Variants in RNF31 observed in about 807,000 individuals in gnomAD.
RNF31 encodes ring finger protein 31.
Under a neutral mutation model 133.6 loss-of-function variants are expected in RNF31, and 38 were observed. That is an observed-to-expected ratio of 0.28 (90% CI 0.22 to 0.37). The LOEUF is 0.37. Among genes scored for constraint, RNF31 ranks in the 10% least tolerant of loss-of-function variants. RNF31 has a pLI of 1.00. For missense variants in RNF31, 1,118 were observed against 1,394.1 expected (o/e 0.80, Z 3.15); for synonymous variants, 582 against 552.3 (o/e 1.05, Z -0.75).
At chr14:24,157,232 A>G in intron 14 of RNF31, 58 bp from the exon 15 acceptor site, 2 of 1,360,850 alleles carry the variant, frequency 1.5e-6, no homozygotes, top group African/African-American at 2.9e-5. Flanking sequence ...AGGGGCCAGC[A>G]AGAAAGGCCA....
chr14:24,158,391 T>C (rs187727246), intron 18 of RNF31, among the ~76,000 whole-genome samples, 192 bp downstream of exon 18: 2 of 152,384 alleles, frequency 1.3e-5, no homozygotes, highest in African/African-American at 4.8e-5. Flanking sequence ...CCATTTTACA[T>C]AAGACATCTT....
chr14:24,152,173 A>G (rs1053436572), intron 11 of RNF31, among the ~76,000 whole-genome samples, 181 bp downstream of exon 11: 1 of 152,156 alleles, frequency 6.6e-6, no homozygotes, highest in Non-Finnish European at 1.5e-5. Flanking sequence ...ACAATGTTCT[A>G]TTATGGAAAT....
chr14:24,147,389 A>C, upstream of RNF31: 1 of 277,682 alleles, frequency 3.6e-6, no homozygotes, highest in Non-Finnish European at 6.7e-6. Context: ...ATTGGTTGGG[A>C]CCTGGCCCTC....
intron 2 of RNF31, 64 bp from the exon 3 acceptor site, chr14:24,148,194 G>A: frequency 1.2e-6 from 2 of 1,613,134 alleles, no homozygotes; most frequent in Non-Finnish European, 1.7e-6. Flanking sequence ...TGCTGAATGG[G>A]AAGGGGTCCA....
intron 3 of RNF31, 91 bp downstream of exon 3, chr14:24,148,504 G>A: frequency 6.2e-7 from 1 of 1,604,190 alleles, no homozygotes; most frequent in South Asian, 1.1e-5. Flanking sequence ...CCGTGCTGCT[G>A]AACTATGGGC....
intron 14 of RNF31, 144 bp from the exon 15 acceptor site, chr14:24,157,146 C>T (rs938273096): frequency 6.6e-6 from 4 of 603,214 alleles, no homozygotes; most frequent in Non-Finnish European, 1.2e-5. Flanking sequence ...CAAGGATGGC[C>T]TCTCATTTTG....
rs199632413 is a variant in RNF31 at position 24,151,757 on chromosome 14, T to C, written c.1924-29T>C. On this transcript the variant is annotated intron_variant, in intron 10 of 20. Coordinates refer to ENST00000324103, the MANE Select transcript of RNF31 (RefSeq NM_017999.5). The surrounding 1 kb of genome is among the most constrained non-coding windows in gnomAD (Gnocchi z 5.3). ...AAGGGTCCCTGGAGTCTGACAGCAC[T>C]TCCCCCCTCCACCTGAATCATATTG... 1.2e-6 allele frequency: 2 copies of C among 1,600,784 alleles called. No homozygotes were observed. Among genetic ancestry groups the C allele is most frequent in the Non-Finnish European group, 8.5e-7 (1 of 1,172,482 alleles).
Position 24,155,080 on chromosome 14 carries a change from A to G in RNF31, c.2131-77A>G. On this transcript the variant is annotated intron_variant, in intron 11 of 20. Coordinates refer to ENST00000324103, the MANE Select transcript of RNF31 (RefSeq NM_017999.5). This position sits in a 1 kb window ranked among gnomAD's most constrained non-coding sequence, Gnocchi z 4.9. Reference sequence around the variant, plus strand: ...TAATTAGACCCTGATTTCTTAGTGGACACCTGGCCACTGCCTCTTCCCTAG... The same window carrying G: ...TAATTAGACCCTGATTTCTTAGTGGGCACCTGGCCACTGCCTCTTCCCTAG... 1.4e-6 allele frequency: 2 copies of G among 1,413,064 alleles called. No homozygotes were observed. 87.5% of individuals were successfully genotyped at this position (1,413,064 alleles called of 1,614,324 possible).
intron 11 of RNF31, chr14:24,154,913 A>C (rs187200781): frequency 1.5e-5 from 8 of 549,974 alleles, no homozygotes; most frequent in East Asian, 6.0e-5. Flanking sequence ...TATTTAATGG[A>C]ATATGAATGT....
rs150423977 is a variant in RNF31, at chr14:24,152,912, T to C, written c.2130+920T>C. ...CTGGCTGACGCAGTGAAACCCTGTCTGTACTAAAAATGTAAAAAATTAGCC... is the reference window on the plus strand; with the variant it reads ...CTGGCTGACGCAGTGAAACCCTGTCCGTACTAAAAATGTAAAAAATTAGCC... On this transcript the variant is annotated intron_variant, in intron 11 of 20. Transcript: ENST00000324103. Among the ~76,000 whole-genome samples, 632 of 151,952 alleles carry C rather than the reference T, an allele frequency of 4.2e-3. 9 individuals carry two copies. The highest frequency in any genetic ancestry group is 0.017 in the Middle Eastern group (5 of 292).
Position 24,150,721 on chromosome 14 carries a change from G to A in RNF31, c.1321G>A (p.Ala441Thr). 3 of 1,614,136 alleles carry A rather than the reference G, an allele frequency of 1.9e-6. No individual in the cohort carries two copies. Among genetic ancestry groups the A allele is most frequent in the Non-Finnish European group, 2.5e-6 (3 of 1,180,014 alleles). ...CAACCGGACTAGTAGCCCCATTCCA[G>A]CACAACATGCCCCCCGGCCCTATGC... The part of the protein sequence containing the change: ...MCNRTSSPIP[A>T]QHAPRPYASS... The change falls in exon 8 of 21, where the codon GCA (alanine) becomes ACA (threonine). Residue 441 changes from alanine (A) to threonine (T), a missense_variant. By Grantham distance (58) the Ala-to-Thr change is moderately conservative. Around this residue, in one of 3 missense-constraint regions of RNF31, gnomAD observed 747 missense variants for 827.9 expected, o/e 0.90. Transcript: ENST00000324103.
At chr14:24,158,569 C>T (rs62001567) in intron 18 of RNF31, 26,365 of 272,862 alleles carry the variant, frequency 0.097, 1,318 homozygotes, top group South Asian at 0.13. Flanking sequence ...ATGGTTCTAA[C>T]CTCTGTCACT....
In RNF31 at chr14:24,147,600, C is replaced by T. The variant is rs2038187644; in HGVS notation, c.-99C>T. ...CGGCTGCGTGGGCCGGGGTGGGCCT[C>T]AAAGCCGGGCACCAGACGGGAGGGG... On this transcript the variant is annotated 5_prime_UTR_variant, in exon 1 of 21. Coordinates refer to ENST00000324103, the MANE Select transcript of RNF31 (RefSeq NM_017999.5). The T allele has an allele frequency of 1.7e-6, 2 of 1,170,826 alleles. No individual in the cohort carries two copies. Among genetic ancestry groups the T allele is most frequent in the South Asian group, 4.1e-5 (2 of 48,838 alleles). The allele number at this position is 1,170,826 out of a possible 1,614,324, so 72.5% of individuals were successfully genotyped here. A position where few individuals can be genotyped will look rare whatever the true frequency, so the allele number is the denominator to read the frequency against.
In RNF31 at chr14:24,150,709, A is replaced by G; in HGVS notation, c.1309A>G (p.Ser437Gly). The G allele has an allele frequency of 6.2e-7, 1 of 1,614,194 alleles. No homozygotes were observed. Among genetic ancestry groups the G allele is most frequent in the Non-Finnish European group, 8.5e-7 (1 of 1,180,026 alleles). The part of the protein sequence containing the change: ...WVCVMCNRTS[S>G]PIPAQHAPRP... ...GTGTGTTATGTGCAACCGGACTAGT[A>G]GCCCCATTCCAGCACAACATGCCCC... Residue 437 changes from serine to glycine, a missense_variant, in exon 8 of 21, where the codon AGC (serine) becomes GGC (glycine). Transcript: ENST00000324103.
At position 24,151,067 on chromosome 14, in the gene RNF31, C is replaced by T. The variant is rs1014716635; in HGVS notation, c.1489-64C>T. On this transcript the variant is annotated intron_variant, in intron 8 of 20. Transcript: ENST00000324103. This position sits in a 1 kb window ranked among gnomAD's most constrained non-coding sequence, Gnocchi z 5.3. ...TATGTCTGAGCTGAGCCACTGTCAC[C>T]ATCTTAGTTCAGGCTGAGGGTGGGT... is the stretch of plus-strand genomic sequence containing the variant. The T allele has an allele frequency of 1.3e-6, 2 of 1,596,514 alleles. No homozygotes were observed. Among genetic ancestry groups the T allele is most frequent in the Admixed American group, 1.7e-5 (1 of 59,354 alleles).
At position 24,150,287 on chromosome 14, in the gene RNF31, G is replaced by C; in HGVS notation, c.1036G>C (p.Glu346Gln). 1 of 1,614,232 alleles carries C rather than the reference G, an allele frequency of 6.2e-7. No homozygotes were observed. The highest frequency in any genetic ancestry group is 8.5e-7 in the Non-Finnish European group (1 of 1,180,046). Residue 346 changes from glutamate (E) to glutamine (Q), a missense_variant, in exon 7 of 21, where the codon GAA (glutamate) becomes CAA (glutamine). By Grantham distance (29) the Glu-to-Gln change is conservative (BLOSUM62 2). Coordinates refer to ENST00000324103, the MANE Select transcript of RNF31 (RefSeq NM_017999.5). ...GGGTCCCCAAGGAACTGGAGGCCTA[G>C]AACCTGATCTTGCACGGGGTCGGTG... ...TEGPQGTGGL[E>Q]PDLARGRWAC...
At chr14:24,156,334 A>T (rs2038340633) in intron 14 of RNF31, among the ~76,000 whole-genome samples, 1 of 151,984 alleles carries the variant, frequency 6.6e-6, no homozygotes, top group Admixed American at 6.6e-5. Context: ...TTTAGAGACA[A>T]CTCACTGTCA....
In RNF31 at chr14:24,151,596, C is replaced by T; in HGVS notation, c.1849C>T (p.Leu617=). ...CCTGACTGAGCTACAGCGCCAACGC[C>T]TAGAGCCCTTCCGCCAGCGCCTCTG... The part of the protein sequence containing the change: ...RALTELQRQR[L]EPFRQRLWDS... Residue 617 remains leucine (L), a synonymous_variant, in exon 10 of 21, where the codon CTA becomes TTA. Coordinates refer to ENST00000324103, the MANE Select transcript of RNF31 (RefSeq NM_017999.5). This position sits in a 1 kb window ranked among gnomAD's most constrained non-coding sequence, Gnocchi z 5.3. The T allele has an allele frequency of 6.2e-7, 1 of 1,614,042 alleles. No homozygotes were observed. The highest frequency in any genetic ancestry group is 1.7e-5 in the Admixed American group (1 of 60,026).
At position 24,157,629 on chromosome 14, in the gene RNF31, C is replaced by T. The variant is rs759092404; in HGVS notation, c.2718C>T (p.Tyr906=). ...QFCSGCYNAF[Y]AKNKCPEPNC... ...GCAGCGGCTGCTACAATGCCTTTTA[C>T]GCCAAGAATGTAAGCCCAGAGAGTT... Residue 906 remains tyrosine (Y), a synonymous_variant, in exon 16 of 21, where the codon TAC becomes TAT. Coordinates refer to ENST00000324103, the MANE Select transcript of RNF31 (RefSeq NM_017999.5). 40 of 1,613,580 alleles carry T rather than the reference C, an allele frequency of 2.5e-5. No individual in the cohort carries two copies. Among genetic ancestry groups the T allele is most frequent in the South Asian group, 2.0e-4 (18 of 91,080 alleles).
Sources: gnomAD v4.1 joint callset for allele counts (sites outside exome capture counted in the v4.1 genomes callset) on GRCh38, gnomAD v4.1.1 for gene constraint, gnomAD v4.1.1 regional missense constraint, Gnocchi (gnomAD v3.1) non-coding constraint, MANE v1.5 for transcripts, NCBI Gene and HGNC (gene_info 2026-07-23, HGNC 2026-07-21) for gene names.